The following PCDHGB2 variants were observed in gnomAD, a reference collection of about 807,000 sequenced individuals.
The protein encoded by PCDHGB2 is protocadherin gamma subfamily B, 2, also known as protocadherin gamma-B2.
A neutral mutation model predicts 59.3 loss-of-function variants in PCDHGB2; 55 were observed. The observed-to-expected ratio is 0.93, with a 90% CI of 0.75 to 1.16. PCDHGB2 has a LOEUF of 1.16. Among genes scored for constraint, PCDHGB2 ranks in the 50% most tolerant of loss-of-function variants. The pLI, the probability that PCDHGB2 is intolerant of heterozygous loss-of-function variation, is 0.00. For synonymous variants in PCDHGB2, 516 were observed against 512.0 expected (o/e 1.01, Z -0.11); for missense variants, 1,228 against 1,198.5 (o/e 1.02, Z -0.36).
At chr5:141,404,089 T>A in intron 1 of PCDHGB2, 2 of 1,613,496 alleles carry the variant, frequency 1.2e-6, no homozygotes, top group Non-Finnish European at 1.7e-6. Flanking sequence ...CCGGGAAGAA[T>A]GGTCAAGTTG....
chr5:141,450,615 T>C (rs2098687601), intron 1 of PCDHGB2, among the ~76,000 whole-genome samples: 1 of 151,340 alleles, frequency 6.6e-6, no homozygotes, highest in African/African-American at 2.4e-5. Flanking sequence ...GCCTCCTGAG[T>C]AGCTGGGATT....
At chr5:141,367,223 C>G in intron 1 of PCDHGB2, 1 of 155,444 alleles carries the variant, frequency 6.4e-6, no homozygotes, top group Non-Finnish European at 1.4e-5. Flanking sequence ...TGGAAAGGTA[C>G]AGAGAACTTC....
chr5:141,404,334 T>G (rs1201635505), intron 1 of PCDHGB2: 2 of 1,613,882 alleles, frequency 1.2e-6, no homozygotes, highest in Non-Finnish European at 1.7e-6. Flanking sequence ...TCAGTCTACC[T>G]CCCGGAAAAC....
chr5:141,372,523 CA>C, intron 1 of PCDHGB2: 10 of 1,614,018 alleles, frequency 6.2e-6, no homozygotes, highest in Non-Finnish European at 8.5e-6. Flanking sequence ...GTGATTCTGG[CA>C]ATCTCCCTGC....
chr5:141,397,510 C>T (rs979129643), intron 1 of PCDHGB2, among the ~76,000 whole-genome samples: 2 of 152,098 alleles, frequency 1.3e-5, no homozygotes, highest in African/African-American at 2.4e-5. Context: ...AAAATTGTTT[C>T]CATAGCTAAT....
chr5:141,409,508 A>G, intron 1 of PCDHGB2: 2 of 1,614,022 alleles, frequency 1.2e-6, no homozygotes, highest in Non-Finnish European at 1.7e-6. Context: ...TTCTTCCAGT[A>G]GAAGCATCAC....
At chr5:141,427,982 G>A in intron 1 of PCDHGB2, 1 of 1,596,754 alleles carries the variant, frequency 6.3e-7, no homozygotes, top group Non-Finnish European at 8.6e-7. Flanking sequence ...CCGCGCTGGG[G>A]CCCGATGGCT....
At chr5:141,469,104 C>G (rs1046234848) in intron 1 of PCDHGB2, among the ~76,000 whole-genome samples, 3 of 151,760 alleles carry the variant, frequency 2.0e-5, no homozygotes, top group Middle Eastern at 3.2e-3. Flanking sequence ...AAGCAAGAAC[C>G]TGTCTCTAAA....
rs528069305 is a variant in PCDHGB2, at chr5:141,457,143, T to A, written c.2422-37664T>A. Among the ~76,000 whole-genome samples the A allele has an allele frequency of 5.3e-5, 8 of 152,334 alleles. No homozygotes were observed. In the South Asian group the frequency reaches 1.5e-3, roughly 28 times the overall value. On this transcript the variant is annotated intron_variant, in intron 1 of 3. Transcript: ENST00000522605. ...ATGGAAACTCTGTCCAATATTTCAG[T>A]TAGAAGGTGCTACCATGGATAACCC...
At position 141,370,670 on chromosome 5, in the gene PCDHGB2, AGAG is replaced by A. The variant is rs774593251; in HGVS notation, c.2421+8118_2421+8120del. On this transcript the variant is annotated intron_variant, in intron 1 of 3. Coordinates refer to ENST00000522605, the MANE Select transcript of PCDHGB2 (RefSeq NM_018923.3). ...TACTTGTGAGCGACCGTATAGACCGAGAGGAGATTTGTGGCAAGAAGTCGACGT... is the reference window on the plus strand; with the variant it reads ...TACTTGTGAGCGACCGTATAGACCGAGAGATTTGTGGCAAGAAGTCGACGT... The A allele has an allele frequency of 1.4e-5, 22 of 1,613,768 alleles. No homozygotes were observed. In the South Asian group the frequency reaches 1.5e-4, roughly 11 times the overall value.
At chr5:141,375,266 G>A in intron 1 of PCDHGB2, 1 of 1,613,846 alleles carries the variant, frequency 6.2e-7, no homozygotes, top group Non-Finnish European at 8.5e-7. Flanking sequence ...ATTTGAATTG[G>A]AAAAATCAGT....
intron 1 of PCDHGB2, among the ~76,000 whole-genome samples, chr5:141,434,029 A>C (rs970204484): frequency 2.6e-5 from 4 of 152,126 alleles, no homozygotes; most frequent in Admixed American, 2.6e-4. Context: ...TTCTGGAAGC[A>C]TGGTTTTCTA....
intron 1 of PCDHGB2, among the ~76,000 whole-genome samples, chr5:141,445,746 TA>T (rs1486411811): frequency 2.0e-5 from 3 of 152,028 alleles, no homozygotes; most frequent in Non-Finnish European, 4.4e-5. Flanking sequence ...TTTTAAAAAA[TA>T]AAAGGTGTGA....
At chr5:141,414,312 C>T in intron 1 of PCDHGB2, 1 of 1,613,724 alleles carries the variant, frequency 6.2e-7, no homozygotes, top group South Asian at 1.1e-5. Context: ...ATGATTTAGA[C>T]TCTGAGCAGA....
chr5:141,421,834 C>A, intron 1 of PCDHGB2: 2 of 1,613,748 alleles, frequency 1.2e-6, no homozygotes. Flanking sequence ...AAGCCTGGAC[C>A]GAGAGAAAGA....
intron 1 of PCDHGB2, chr5:141,405,303 G>C: frequency 1.2e-6 from 2 of 1,614,230 alleles, no homozygotes; most frequent in African/African-American, 1.3e-5. Context: ...AGCCAGCAGA[G>C]CTGTGAGAAA....
Position 141,493,806 on chromosome 5 carries a change from T to C in PCDHGB2, c.2422-1001T>C, listed in dbSNP as rs1339302166. On this transcript the variant is annotated intron_variant, in intron 1 of 3. Coordinates refer to ENST00000522605, the MANE Select transcript of PCDHGB2 (RefSeq NM_018923.3). This position sits in a 1 kb window ranked among gnomAD's most constrained non-coding sequence, Gnocchi z 4.3. ...TCCTTCTCCCTGGAGTAATCTGAGA[T>C]ACTCACACTCTCTGCTTCTGGGAGC... is the stretch of plus-strand genomic sequence containing the variant. Among the ~76,000 whole-genome samples, 1 of 152,162 alleles carries C rather than the reference T, an allele frequency of 6.6e-6. No homozygotes were observed. The highest frequency in any genetic ancestry group is 1.5e-5 in the Non-Finnish European group (1 of 68,038).
intron 1 of PCDHGB2, among the ~76,000 whole-genome samples, chr5:141,469,723 C>G (rs2099209474): frequency 6.6e-6 from 1 of 152,210 alleles, no homozygotes; most frequent in Non-Finnish European, 1.5e-5. Context: ...AGGAATTTAT[C>G]ATAAATACAC....
rs147403131 is a variant in PCDHGB2, at chr5:141,368,659, C to A, written c.2421+6103C>A. 4.1e-3 allele frequency among the ~76,000 whole-genome samples: 617 copies of A among 152,246 alleles called. 6 individuals are homozygous for A. The highest frequency in any genetic ancestry group is 0.011 in the Admixed American group (171 of 15,302). On this transcript the variant is annotated intron_variant, in intron 1 of 3. Coordinates refer to ENST00000522605, the MANE Select transcript of PCDHGB2 (RefSeq NM_018923.3). ...AATGTTTTGTGCAATGGAAAAATATCTTTAAACCCTCTATAAACTACTAAC... is the reference window on the plus strand; with the variant it reads ...AATGTTTTGTGCAATGGAAAAATATATTTAAACCCTCTATAAACTACTAAC...
Sources: gnomAD v4.1 joint callset for allele counts (sites outside exome capture counted in the v4.1 genomes callset) on GRCh38, gnomAD v4.1.1 for gene constraint, Gnocchi (gnomAD v3.1) non-coding constraint, MANE v1.5 for transcripts, NCBI Gene and HGNC (gene_info 2026-07-23, HGNC 2026-07-21) for gene names.